LYPD6: variants seen among roughly 807,000 people sequenced by gnomAD.
LYPD6 encodes ly6/PLAUR domain-containing protein 6.
In LYPD6, 15 loss-of-function variants were observed where a neutral mutation model predicts 22.7. That is an observed-to-expected ratio of 0.66 (90% CI 0.44 to 1.02). The LOEUF is 1.02. LYPD6 is among the 50% of genes least tolerant of loss of function. The probability of loss-of-function intolerance (pLI) is 0.00; values close to 1 mark genes in which losing one functional copy is unlikely to be tolerated. For missense variants in LYPD6, 189 were observed against 208.4 expected (o/e 0.91, Z 0.57); for synonymous variants, 72 against 77.5 (o/e 0.93, Z 0.37).
At chr2:149,482,600 C>G in the LYPD6 span, among the ~76,000 whole-genome samples, 1 of 152,148 alleles carries the variant, frequency 6.6e-6, no homozygotes, top group Non-Finnish European at 1.5e-5. Context: ...ATCATTCTAG[C>G]CAGTCCCCTT....
At chr2:149,374,942 C>T (rs1681885684) in intron 1 of LYPD6, among the ~76,000 whole-genome samples, 1 of 152,190 alleles carries the variant, frequency 6.6e-6, no homozygotes, top group Non-Finnish European at 1.5e-5. Flanking sequence ...TTCACTCCCA[C>T]TATTTGTGGA....
At chr2:149,391,409 C>T (rs556131099) in intron 1 of LYPD6, among the ~76,000 whole-genome samples, 22 of 152,008 alleles carry the variant, frequency 1.4e-4, no homozygotes, top group Admixed American at 1.3e-3. Flanking sequence ...CCTAAAGAAA[C>T]GCACCTTAAG....
chr2:149,348,999 G>A (rs1049463067), intron 1 of LYPD6, among the ~76,000 whole-genome samples: 1 of 152,104 alleles, frequency 6.6e-6, no homozygotes, highest in East Asian at 1.9e-4. Flanking sequence ...CTAAGGTTTG[G>A]GACCTGATAA....
chr2:149,374,492 T>C (rs1681874241), intron 1 of LYPD6, among the ~76,000 whole-genome samples: 4 of 152,200 alleles, frequency 2.6e-5, no homozygotes, highest in Admixed American at 2.6e-4. Flanking sequence ...ATTATCTAGA[T>C]AGAGCCCAGC....
chr2:149,408,764 T>G (rs542442086), intron 1 of LYPD6, among the ~76,000 whole-genome samples: 1 of 152,318 alleles, frequency 6.6e-6, no homozygotes, highest in South Asian at 2.1e-4. Flanking sequence ...GGTGTGATTG[T>G]TTTTTATTTA....
At chr2:149,372,016 A>G (rs1337377890) in intron 1 of LYPD6, among the ~76,000 whole-genome samples, 1 of 152,136 alleles carries the variant, frequency 6.6e-6, no homozygotes, top group Non-Finnish European at 1.5e-5. Flanking sequence ...AGGTGGCACA[A>G]TAACTTATAG....
intron 1 of LYPD6, among the ~76,000 whole-genome samples, chr2:149,377,801 A>C (rs199621742): frequency 0.06 from 1,477 of 24,456 alleles, 29 homozygotes; most frequent in African/African-American, 0.19. Context: ...CCACCCCCCC[A>C]AAAAAGCAAG....
intron 1 of LYPD6, among the ~76,000 whole-genome samples, chr2:149,370,947 A>G (rs1681794316): frequency 6.6e-6 from 1 of 152,242 alleles, no homozygotes. Flanking sequence ...TAGACAACAG[A>G]GTAAGACCCT....
chr2:149,400,298 C>T (rs1052423456), intron 1 of LYPD6, among the ~76,000 whole-genome samples: 1 of 152,142 alleles, frequency 6.6e-6, no homozygotes, highest in Non-Finnish European at 1.5e-5. Flanking sequence ...ATTTGAGAAC[C>T]CTTGAATTGT....
intron 1 of LYPD6, among the ~76,000 whole-genome samples, chr2:149,362,878 G>A (rs968689226): frequency 2.0e-5 from 3 of 152,064 alleles, no homozygotes; most frequent in Non-Finnish European, 2.9e-5. Flanking sequence ...GCAATTTGGG[G>A]GATACTTTCA....
chr2:149,337,997 T>C (rs1418096324), intron 1 of LYPD6, among the ~76,000 whole-genome samples: 1 of 110,974 alleles, frequency 9.0e-6, no homozygotes, highest in Non-Finnish European at 1.9e-5. Flanking sequence ...CCGTGGTGTA[T>C]ATGTACCACA....
At chr2:149,383,940 C>T (rs183662210) in intron 1 of LYPD6, among the ~76,000 whole-genome samples, 8 of 152,284 alleles carry the variant, frequency 5.3e-5, no homozygotes, top group Admixed American at 1.3e-4. Context: ...GACAGTCAAT[C>T]AGTCTTCCTT....
intron 2 of LYPD6, among the ~76,000 whole-genome samples, chr2:149,447,370 G>A (rs1216616673): frequency 2.6e-5 from 4 of 152,170 alleles, no homozygotes; most frequent in Admixed American, 2.6e-4. Flanking sequence ...AAGGCAGGAA[G>A]AGGCAACTCA....
At chr2:149,445,418 C>G (rs1175959918) in intron 2 of LYPD6, among the ~76,000 whole-genome samples, 1 of 152,226 alleles carries the variant, frequency 6.6e-6, no homozygotes, top group Non-Finnish European at 1.5e-5. Flanking sequence ...ATTGACTTTT[C>G]TCTCTAGCTA....
At chr2:149,352,650 C>G (rs945152878) in intron 1 of LYPD6, among the ~76,000 whole-genome samples, 7 of 152,104 alleles carry the variant, frequency 4.6e-5, no homozygotes, top group African/African-American at 1.7e-4. Context: ...CAGCCATTGC[C>G]CATTTGTGTA....
chr2:149,369,098 A>G (rs1390283656), intron 1 of LYPD6, among the ~76,000 whole-genome samples: 26 of 151,952 alleles, frequency 1.7e-4, no homozygotes, highest in Admixed American at 1.7e-3. Context: ...AAATAGGGTG[A>G]AGGGTGAGTG....
chr2:149,333,861 G>A (rs1371771331), intron 1 of LYPD6, among the ~76,000 whole-genome samples: 1 of 152,180 alleles, frequency 6.6e-6, no homozygotes, highest in Non-Finnish European at 1.5e-5. Context: ...TGAATGATAT[G>A]TGTTTCAATT....
At chr2:149,359,073 T>TA (rs201716286) in intron 1 of LYPD6, among the ~76,000 whole-genome samples, 1,744 of 152,330 alleles carry the variant, frequency 0.011, 13 homozygotes, top group Non-Finnish European at 0.018. Flanking sequence ...TATCAAATTT[T>TA]AAAAAAACTC....
At chr2:149,429,069 C>T (rs1683246862) in intron 1 of LYPD6, among the ~76,000 whole-genome samples, 1 of 152,110 alleles carries the variant, frequency 6.6e-6, no homozygotes, top group Non-Finnish European at 1.5e-5. Context: ...GCTTGAAACA[C>T]CTAGGTTTTC....
Sources: allele counts gnomAD v4.1 joint callset (sites outside exome capture counted in the v4.1 genomes callset), GRCh38; gene constraint gnomAD v4.1.1; transcripts MANE v1.5; gene names NCBI Gene and HGNC (gene_info 2026-07-23, HGNC 2026-07-21).